The following MEGF8 variants were observed in gnomAD, a reference collection of about 807,000 sequenced individuals.
MEGF8 encodes the protein multiple epidermal growth factor-like domains protein 8.
Under a neutral mutation model 302.9 loss-of-function variants are expected in MEGF8, and 156 were observed. The observed-to-expected ratio is 0.52, with a 90% CI of 0.45 to 0.59. The LOEUF (loss-of-function observed/expected upper bound fraction) is 0.59, where lower values mean the gene tolerates loss of function less well. Ranked by LOEUF, MEGF8 falls within the 20% of genes least tolerant of loss-of-function variation. The pLI, the probability that MEGF8 is intolerant of heterozygous loss-of-function variation, is 0.00. For missense variants in MEGF8, 3,345 were observed against 3,964.5 expected, an observed-to-expected ratio of 0.84 and a Z score of 4.20; for synonymous variants, 1,621 against 1,660.5, an observed-to-expected ratio of 0.98 and a Z score of 0.58.
At position 42,368,651 on chromosome 19, in the gene MEGF8, GC is replaced by G; in HGVS notation, c.6475del (p.Arg2159ValfsTer4). On this transcript the variant is annotated frameshift_variant, in exon 36 of 42. Coordinates refer to ENST00000251268, the MANE Select transcript of MEGF8 (RefSeq NM_001271938.2). LOFTEE classifies it high-confidence loss of function. The surrounding 1 kb of genome is among the most constrained non-coding windows in gnomAD (Gnocchi z 4.9). The stretch of plus-strand genomic sequence containing the variant: ...CGCTGCATGGAGGGTGGACTCAGCG[GC>G]CCCCGTGATGGTGAGAGGGCTTTGG... Reference protein sequence around the residue: ...GGRCMEGGLSGPRDGLTCGRP... With the variant: ...GGRCMEGGLSXPRDGLTCGRP... 6.5e-7 allele frequency: 1 copy of G among 1,547,964 alleles called. No homozygotes were observed.
Position 42,368,031 on chromosome 19 carries a change from A to G in MEGF8, c.6274-424A>G, listed in dbSNP as rs1214903663. On this transcript the variant is annotated intron_variant, in intron 35 of 41. Coordinates refer to ENST00000251268, the MANE Select transcript of MEGF8 (RefSeq NM_001271938.2). The surrounding 1 kb of genome is among the most constrained non-coding windows in gnomAD (Gnocchi z 4.9). ...CAAACTCCCGGGCTCAAAAAATCCTACCTCAGCCCCCCAGGTAGCTGGGTC... is the reference window on the plus strand; with the variant it reads ...CAAACTCCCGGGCTCAAAAAATCCTGCCTCAGCCCCCCAGGTAGCTGGGTC... Among the ~76,000 whole-genome samples the G allele has an allele frequency of 2.6e-5, 4 of 151,872 alleles. No homozygotes were observed. Among genetic ancestry groups the G allele is most frequent in the African/African-American group, 7.3e-5 (3 of 41,324 alleles).
At position 42,335,029 on chromosome 19, in the gene MEGF8, C is replaced by A; in HGVS notation, c.559-6C>A. 6.2e-7 allele frequency: 1 copy of A among 1,601,522 alleles called. No individual in the cohort carries two copies. Among genetic ancestry groups the A allele is most frequent in the Non-Finnish European group, 8.5e-7 (1 of 1,174,156 alleles). ...TATCTCTGCCTTTATGTCTCCTTTCCCGCAGCCCCTGGGACCATGCCGCTG... is the reference window on the plus strand; with the variant it reads ...TATCTCTGCCTTTATGTCTCCTTTCACGCAGCCCCTGGGACCATGCCGCTG... On this transcript the variant is annotated splice_region_variant and splice_polypyrimidine_tract_variant and intron_variant, in intron 3 of 41. Transcript: ENST00000251268.
At chr19:42,359,852 A>G (rs78388706) in intron 31 of MEGF8, among the ~76,000 whole-genome samples, 1 of 143,710 alleles carries the variant, frequency 7.0e-6, no homozygotes, top group Non-Finnish European at 1.5e-5. Context: ...ACGCCTGGAT[A>G]ATTTTTTTTT....
chr19:42,370,578 G>T, intron 39 of MEGF8, 123 bp from the exon 40 acceptor site: 1 of 1,169,770 alleles, frequency 8.5e-7, no homozygotes, highest in Non-Finnish European at 1.2e-6. Flanking sequence ...TGAGGGAGGA[G>T]GGGGTGGGAG....
intron 8 of MEGF8, among the ~76,000 whole-genome samples, chr19:42,339,251 A>T (rs563203034): frequency 1.5e-4 from 23 of 152,328 alleles, no homozygotes; most frequent in Non-Finnish European, 2.6e-4. Context: ...TCCTTGGGGT[A>T]TATACCCGAT....
rs765479973 is a variant in MEGF8, at chr19:42,336,843, C to T, written c.1281C>T (p.His427=). Reference sequence around the variant, plus strand: ...GAGTGAACTCCACTGAGCTTTTCCACGTGGATCGGCATGTGTGGACGACGC... The same window carrying T: ...GAGTGAACTCCACTGAGCTTTTCCATGTGGATCGGCATGTGTGGACGACGC... ...SVRVNSTELF[H]VDRHVWTTLK... The change falls in exon 7 of 42, where the codon CAC becomes CAT. Residue 427 remains histidine, a synonymous_variant. Coordinates refer to ENST00000251268, the MANE Select transcript of MEGF8 (RefSeq NM_001271938.2). This position sits in a 1 kb window ranked among gnomAD's most constrained non-coding sequence, Gnocchi z 4.8. The T allele has an allele frequency of 1.5e-5, 24 of 1,608,384 alleles. No individual in the cohort carries two copies. The highest frequency in any genetic ancestry group is 6.6e-5 in the South Asian group (6 of 90,844).
In MEGF8 at chr19:42,326,281, T is replaced by C; in HGVS notation, c.38T>C (p.Leu13Ser). Residue 13 changes from leucine (L) to serine (S), a missense_variant, in exon 1 of 42, where the codon TTG becomes TCG. Transcript: ENST00000251268. The part of the protein sequence containing the change: ...LGKVLAMALV[L>S]ALAVLGSLSP... ...AAGGTTCTGGCCATGGCACTGGTTT[T>C]GGCCTTGGCCGTGCTGGGGTCGCTG... is the stretch of plus-strand genomic sequence containing the variant. The C allele has an allele frequency of 5.8e-6, 9 of 1,560,254 alleles. No homozygotes were observed. Among genetic ancestry groups the C allele is most frequent in the Non-Finnish European group, 7.8e-6 (9 of 1,160,450 alleles).
rs760101944 is a variant in MEGF8 at position 42,368,929 on chromosome 19, A to G, written c.6568A>G (p.Asn2190Asp). 1 of 1,613,926 alleles carries G rather than the reference A, an allele frequency of 6.2e-7. No homozygotes were observed. The highest frequency in any genetic ancestry group is 8.5e-7 in the Non-Finnish European group (1 of 1,179,898). ...DECANGHHDC[N>D]ETQNCHDQPH... ...GTGTGCAAACGGGCACCACGACTGC[A>G]ACGAGACGCAGAATTGCCACGACCA... The change falls in exon 37 of 42, where the codon AAC (asparagine) becomes GAC (aspartate). Residue 2190 changes from asparagine (N) to aspartate (D), a missense_variant. Physicochemically the swap from Asn to Asp is conservative, Grantham distance 23. Coordinates refer to ENST00000251268, the MANE Select transcript of MEGF8 (RefSeq NM_001271938.2). The surrounding 1 kb of genome is among the most constrained non-coding windows in gnomAD (Gnocchi z 4.9).
At chr19:42,339,970 A>C (rs1427043079) in intron 8 of MEGF8, among the ~76,000 whole-genome samples, 4 of 152,206 alleles carry the variant, frequency 2.6e-5, no homozygotes, top group Non-Finnish European at 5.9e-5. Flanking sequence ...AGGCAGGAGA[A>C]TTGCTTGAAC....
At chr19:42,341,596 C>T (rs1360284259) in intron 8 of MEGF8, among the ~76,000 whole-genome samples, 2 of 152,018 alleles carry the variant, frequency 1.3e-5, no homozygotes. Flanking sequence ...AATACCACGC[C>T]TGGCTAATTA....
chr19:42,354,378 A>C lies in MEGF8; in HGVS notation c.4012-210A>C, dbSNP rs561021039. Among the ~76,000 whole-genome samples the C allele has an allele frequency of 2.0e-5, 3 of 152,188 alleles. No individual in the cohort carries two copies. Among genetic ancestry groups the C allele is most frequent in the Non-Finnish European group, 4.4e-5 (3 of 68,000 alleles). ...CATGTTGAGAAAGGGGCTCAATGCA[A>C]GAGTGCCTGATAGATGAGCCGTGTC... On this transcript the variant is annotated intron_variant, in intron 22 of 41. Transcript: ENST00000251268. This position sits in a 1 kb window ranked among gnomAD's most constrained non-coding sequence, Gnocchi z 4.3.
At position 42,326,157 on chromosome 19, in the gene MEGF8, C is replaced by T; in HGVS notation, c.-87C>T. ...GGTCATGTTATGCCTATAGAGGTCG[C>T]ATTTGCAGGGCCTCACCCCGGGTAG... On this transcript the variant is annotated 5_prime_UTR_variant, in exon 1 of 42. Coordinates refer to ENST00000251268, the MANE Select transcript of MEGF8 (RefSeq NM_001271938.2). The T allele has an allele frequency of 5.0e-6, 7 of 1,408,500 alleles. No individual in the cohort carries two copies. Among genetic ancestry groups the T allele is most frequent in the Non-Finnish European group, 6.4e-6 (7 of 1,085,956 alleles). 87.3% of individuals were successfully genotyped at this position (1,408,500 alleles called of 1,614,324 possible).
At chr19:42,338,495 G>A (rs1482342466) in intron 8 of MEGF8, among the ~76,000 whole-genome samples, 5 of 152,192 alleles carry the variant, frequency 3.3e-5, no homozygotes, top group Admixed American at 3.3e-4. Flanking sequence ...GCCCACCTCG[G>A]CCTCCCAAAG....
rs771907331 is a variant in MEGF8 at position 42,354,727 on chromosome 19, G to T, written c.4144+7G>T. On this transcript the variant is annotated splice_region_variant and intron_variant, in intron 23 of 41. Transcript: ENST00000251268. This position sits in a 1 kb window ranked among gnomAD's most constrained non-coding sequence, Gnocchi z 4.3. ...ACTGTTCAGGCCCTGTCTGGTACGG[G>T]GGCTAGGGGAAGTGGGACCTCTTAG... 6.3e-7 allele frequency: 1 copy of T among 1,594,388 alleles called. No individual in the cohort carries two copies. Among genetic ancestry groups the T allele is most frequent in the South Asian group, 1.1e-5 (1 of 90,594 alleles).
chr19:42,358,834 A>C lies in MEGF8; in HGVS notation c.5223A>C (p.Gln1741His). The change falls in exon 30 of 42, where the codon CAA becomes CAC. Residue 1741 changes from glutamine (Q) to histidine (H), a missense_variant. Coordinates refer to ENST00000251268, the MANE Select transcript of MEGF8 (RefSeq NM_001271938.2). The surrounding 1 kb of genome is among the most constrained non-coding windows in gnomAD (Gnocchi z 4.4). Reference sequence around the variant, plus strand: ...GTGGCTCATCTCGGGGTCTGGGCCAAGTTCCTGGGGAGCAGCCTGGGTCAT... The same window carrying C: ...GTGGCTCATCTCGGGGTCTGGGCCACGTTCCTGGGGAGCAGCCTGGGTCAT... ...NVRGSSRGLG[Q>H]VPGEQPGSWG... The C allele has an allele frequency of 6.2e-7, 1 of 1,600,966 alleles. No homozygotes were observed. The highest frequency in any genetic ancestry group is 8.5e-7 in the Non-Finnish European group (1 of 1,174,304).
chr19:42,331,586 T>C (rs1418989019), intron 1 of MEGF8, among the ~76,000 whole-genome samples: 2 of 152,000 alleles, frequency 1.3e-5, no homozygotes, highest in African/African-American at 4.8e-5. Flanking sequence ...TTTTTTTTTT[T>C]GAAACAGAGT....
chr19:42,336,092 G>T lies in MEGF8; in HGVS notation c.990G>T (p.Gly330=), dbSNP rs751731282. 1.2e-6 allele frequency: 2 copies of T among 1,602,592 alleles called. No individual in the cohort carries two copies. Among genetic ancestry groups the T allele is most frequent in the Non-Finnish European group, 1.7e-6 (2 of 1,177,384 alleles). Residue 330 remains glycine, a synonymous_variant, in exon 6 of 42, where the codon GGG becomes GGT. Coordinates refer to ENST00000251268, the MANE Select transcript of MEGF8 (RefSeq NM_001271938.2). This position sits in a 1 kb window ranked among gnomAD's most constrained non-coding sequence, Gnocchi z 4.8. ...CACCACCTGCCTCCAGCTCCTCGGG[G>T]CCCCCAGGCCTGGCAGGTCACGCGG... ...LLAPPASSSS[G]PPGLAGHAAA...
chr19:42,333,468 C>T (rs1213948870), intron 1 of MEGF8, 137 bp from the exon 2 acceptor site: 19 of 936,776 alleles, frequency 2.0e-5, no homozygotes, highest in Non-Finnish European at 2.5e-5. Flanking sequence ...CCCTTCAAGG[C>T]GGGGCCCAGG....
At position 42,376,458 on chromosome 19, in the gene MEGF8, G is replaced by T; in HGVS notation, c.8221G>T (p.Gly2741Cys). 6.2e-6 allele frequency: 10 copies of T among 1,609,340 alleles called. No homozygotes were observed. The highest frequency in any genetic ancestry group is 8.5e-6 in the Non-Finnish European group (10 of 1,178,828). The change falls in exon 42 of 42, where the codon GGT becomes TGT. Residue 2741 changes from glycine (G) to cysteine (C), a missense_variant. Coordinates refer to ENST00000251268, the MANE Select transcript of MEGF8 (RefSeq NM_001271938.2). The surrounding 1 kb of genome is among the most constrained non-coding windows in gnomAD (Gnocchi z 8.2). The part of the protein sequence containing the change: ...FLAPLLLTGA[G>C]GPWGPMGGGC... ...GGCACCCCTGCTGCTGACAGGGGCC[G>T]GTGGGCCCTGGGGACCCATGGGAGG... is the stretch of plus-strand genomic sequence containing the variant.
Sources: allele counts gnomAD v4.1 joint callset (sites outside exome capture counted in the v4.1 genomes callset), GRCh38; gene constraint gnomAD v4.1.1; non-coding constraint Gnocchi (gnomAD v3.1); transcripts MANE v1.5; gene names NCBI Gene and HGNC (gene_info 2026-07-23, HGNC 2026-07-21).